The following CNTN5 variants were observed in gnomAD, a reference collection of about 807,000 sequenced individuals.
CNTN5 encodes the protein contactin 5.
A neutral mutation model predicts 129.1 loss-of-function variants in CNTN5; 77 were observed. The observed-to-expected ratio is 0.60, with a 90% CI of 0.50 to 0.72. The LOEUF is 0.72. Ranked by LOEUF, CNTN5 falls within the 30% of genes least tolerant of loss-of-function variation. CNTN5 has a pLI of 0.00. For synonymous variants in CNTN5, 509 were observed against 465.6 expected, an observed-to-expected ratio of 1.09 and a Z score of -1.20; for missense variants, 1,478 against 1,328.8, an observed-to-expected ratio of 1.11 and a Z score of -1.75.
chr11:99,924,072 G>A (rs1950004045), intron 7 of CNTN5, among the ~76,000 whole-genome samples: 1 of 152,156 alleles, frequency 6.6e-6, no homozygotes, highest in South Asian at 2.1e-4. Flanking sequence ...TTACAGACGT[G>A]AGCCGCCACA....
At chr11:99,946,086 T>C (rs931369134) in intron 7 of CNTN5, among the ~76,000 whole-genome samples, 1 of 152,150 alleles carries the variant, frequency 6.6e-6, no homozygotes, top group African/African-American at 2.4e-5. Flanking sequence ...CCAATCAGTA[T>C]CTCTCGATCT....
At chr11:99,754,689 A>G (rs1305872203) in intron 3 of CNTN5, among the ~76,000 whole-genome samples, 1 of 152,174 alleles carries the variant, frequency 6.6e-6, no homozygotes, top group African/African-American at 2.4e-5. Flanking sequence ...TCTGCCACAC[A>G]GAGCCTCCCT....
At chr11:99,044,794 T>G (rs1057041902) in intron 1 of CNTN5, among the ~76,000 whole-genome samples, 1 of 152,162 alleles carries the variant, frequency 6.6e-6, no homozygotes, top group Non-Finnish European at 1.5e-5. Context: ...GATAGGATGA[T>G]AATAATGCAA....
At chr11:99,524,786 G>C (rs1947422521) in intron 2 of CNTN5, among the ~76,000 whole-genome samples, 1 of 151,376 alleles carries the variant, frequency 6.6e-6, no homozygotes, top group Non-Finnish European at 1.5e-5. Context: ...CTGGGCGACA[G>C]AGCAAGATTC....
intron 3 of CNTN5, among the ~76,000 whole-genome samples, chr11:99,747,458 T>TG (rs1565485953): frequency 7.7e-6 from 1 of 130,598 alleles, no homozygotes; most frequent in Admixed American, 9.3e-5. Flanking sequence ...GAAGTCAGCA[T>TG]CCTTTTTTTT....
At chr11:99,867,295 A>T (rs1056301428) in intron 6 of CNTN5, among the ~76,000 whole-genome samples, 2 of 152,214 alleles carry the variant, frequency 1.3e-5, no homozygotes, top group African/African-American at 4.8e-5. Context: ...GTATTTATTG[A>T]GTACCTACTA....
rs1278921543 is a variant in CNTN5 at position 99,788,061 on chromosome 11, A to G, written c.56-31483A>G. 2.0e-5 allele frequency among the ~76,000 whole-genome samples: 3 copies of G among 151,942 alleles called. No homozygotes were observed. In the East Asian group the frequency reaches 5.8e-4, roughly 29 times the overall value. ...TGTGTTCTTGGCACCCCTCACATTCATGATCAAAAGAATACAAAATCTCCC... is the reference window on the plus strand; with the variant it reads ...TGTGTTCTTGGCACCCCTCACATTCGTGATCAAAAGAATACAAAATCTCCC... On this transcript the variant is annotated intron_variant, in intron 3 of 24. Transcript: ENST00000524871.
At chr11:99,452,393 G>A (rs1437398342) in intron 2 of CNTN5, among the ~76,000 whole-genome samples, 15 of 37,916 alleles carry the variant, frequency 4.0e-4, no homozygotes, top group Admixed American at 2.8e-3. Flanking sequence ...TTTTTTTTGG[G>A]ACGGAGTCTG....
chr11:99,737,194 T>G (rs1429383976), intron 3 of CNTN5, among the ~76,000 whole-genome samples: 2 of 151,738 alleles, frequency 1.3e-5, no homozygotes, highest in African/African-American at 4.8e-5. Context: ...CAATAAACCT[T>G]TCAAAGTCCA....
At chr11:99,426,168 C>T (rs1316419987) in intron 2 of CNTN5, among the ~76,000 whole-genome samples, 1 of 152,162 alleles carries the variant, frequency 6.6e-6, no homozygotes, top group East Asian at 1.9e-4. Context: ...GACTATTTCT[C>T]TTTTGGACTT....
intron 13 of CNTN5, among the ~76,000 whole-genome samples, chr11:100,144,781 A>C (rs1003579827): frequency 2.7e-5 from 4 of 150,474 alleles, no homozygotes; most frequent in Non-Finnish European, 5.9e-5. Context: ...ATTTTAAGGG[A>C]ACATTATTCT....
intron 4 of CNTN5, among the ~76,000 whole-genome samples, chr11:99,839,093 C>T (rs894005837): frequency 6.6e-6 from 1 of 151,728 alleles, no homozygotes. Flanking sequence ...TACTTTATAT[C>T]ATTATTTTGA....
intron 3 of CNTN5, among the ~76,000 whole-genome samples, chr11:99,762,618 G>T (rs2135286349): frequency 6.6e-6 from 1 of 152,098 alleles, no homozygotes; most frequent in Middle Eastern, 3.4e-3. Flanking sequence ...CTGTTCCATT[G>T]ATCAATATCT....
chr11:99,883,792 C>A (rs771735572), intron 6 of CNTN5, among the ~76,000 whole-genome samples: 2 of 152,158 alleles, frequency 1.3e-5, no homozygotes, highest in Non-Finnish European at 2.9e-5. Context: ...AAAACTAAAT[C>A]AGCTTTCTTT....
At chr11:99,171,705 C>T (rs536228782) in intron 1 of CNTN5, among the ~76,000 whole-genome samples, 73 of 152,230 alleles carry the variant, frequency 4.8e-4, no homozygotes, top group African/African-American at 1.6e-3. Flanking sequence ...AAAAACTCTT[C>T]GTGTTATGCC....
intron 1 of CNTN5, among the ~76,000 whole-genome samples, chr11:99,037,284 T>A (rs1012517855): frequency 1.3e-5 from 2 of 152,174 alleles, no homozygotes; most frequent in African/African-American, 4.8e-5. Context: ...GATGGGATAA[T>A]CTTTCAGAGA....
intron 2 of CNTN5, among the ~76,000 whole-genome samples, chr11:99,421,237 G>T (rs959698): frequency 2.6e-5 from 4 of 151,664 alleles, no homozygotes; most frequent in African/African-American, 9.7e-5. Context: ...ACATACCTCA[G>T]ATTCCTTTAC....
intron 13 of CNTN5, among the ~76,000 whole-genome samples, chr11:100,190,126 T>G (rs1170429568): frequency 1.3e-5 from 2 of 152,152 alleles, no homozygotes; most frequent in African/African-American, 4.8e-5. Context: ...TTCTAAATCT[T>G]AAATAGTTTA....
chr11:99,715,830 T>G (rs186025723), intron 3 of CNTN5, among the ~76,000 whole-genome samples: 14 of 152,072 alleles, frequency 9.2e-5, no homozygotes, highest in African/African-American at 2.9e-4. Flanking sequence ...GCCAAAAAAA[T>G]GTCTAATATA....
Sources: gnomAD v4.1 joint callset for allele counts (sites outside exome capture counted in the v4.1 genomes callset) on GRCh38, gnomAD v4.1.1 for gene constraint, MANE v1.5 for transcripts, NCBI Gene and HGNC (gene_info 2026-07-23, HGNC 2026-07-21) for gene names.